Variants in ODR4 observed in about 807,000 individuals in gnomAD.
The protein encoded by ODR4 is protein odr-4 homolog.
In ODR4, 47 loss-of-function variants were observed where a neutral mutation model predicts 60.2. The ratio of observed to expected loss-of-function variants is 0.78; its 90% CI spans 0.62 to 1.00. The LOEUF (loss-of-function observed/expected upper bound fraction) is 1.00. ODR4 is among the 50% of genes least tolerant of loss of function. The pLI, the probability that ODR4 is intolerant of heterozygous loss-of-function variation, is 0.00. For missense variants in ODR4, 488 were observed against 530.8 expected (o/e 0.92, Z 0.79); for synonymous variants, 178 against 175.5 (o/e 1.01, Z -0.11).
chr1:186,385,406 T>A (rs897135509), intron 3 of ODR4, among the ~76,000 whole-genome samples: 1 of 150,910 alleles, frequency 6.6e-6, no homozygotes, highest in Non-Finnish European at 1.5e-5. Flanking sequence ...GATATAAGAC[T>A]ATGTGATAAA....
chr1:186,383,910 G>A (rs900410440), intron 3 of ODR4, among the ~76,000 whole-genome samples: 4 of 152,028 alleles, frequency 2.6e-5, no homozygotes, highest in Non-Finnish European at 5.9e-5. Context: ...GTGGTGGCAG[G>A]TGCCTGTAAT....
At chr1:186,385,251 A>T (rs758690540) in intron 3 of ODR4, among the ~76,000 whole-genome samples, 10 of 150,236 alleles carry the variant, frequency 6.7e-5, no homozygotes, top group Non-Finnish European at 1.5e-4. Flanking sequence ...TAATCTATGC[A>T]ATAGAAAATA....
intron 4 of ODR4, among the ~76,000 whole-genome samples, 153 bp from the exon 5 acceptor site, chr1:186,388,289 T>G (rs555881733): frequency 6.6e-6 from 1 of 152,288 alleles, no homozygotes; most frequent in African/African-American, 2.4e-5. Flanking sequence ...CAAGGCCAGC[T>G]TGAGCAACAT....
At chr1:186,400,153 G>T (rs556369415) in intron 11 of ODR4, among the ~76,000 whole-genome samples, 2 of 150,430 alleles carry the variant, frequency 1.3e-5, no homozygotes, top group South Asian at 4.2e-4. Context: ...CACCATGCCC[G>T]GCTAATTTTT....
chr1:186,401,761 AGT>A (rs1282841223), intron 11 of ODR4, among the ~76,000 whole-genome samples: 4 of 152,058 alleles, frequency 2.6e-5, no homozygotes, highest in Middle Eastern at 3.2e-3. Context: ...TTGGTTTGCT[AGT>A]ATTTTGTTGA....
rs572891518 is a variant in ODR4 at position 186,406,063 on chromosome 1, A to G, written c.1001-20A>G. 6.2e-5 allele frequency: 93 copies of G among 1,502,420 alleles called. 1 individual carries two copies. The highest frequency in any genetic ancestry group is 3.6e-4 in the Middle Eastern group (2 of 5,590). The allele number at this position is 1,502,420 out of a possible 1,614,324, so 93.1% of individuals were successfully genotyped here. A position where few individuals can be genotyped will look rare whatever the true frequency, so the allele number is the denominator to read the frequency against. On this transcript the variant is annotated intron_variant, in intron 11 of 13. Coordinates refer to ENST00000287859, the MANE Select transcript of ODR4 (RefSeq NM_017847.6). ...GTGACAAACCTATCTAAATATTGAT[A>G]ATATTTCTTTTCCTTTTAGATTCTG...
At chr1:186,376,521 G>C (rs1014632605) in intron 1 of ODR4, among the ~76,000 whole-genome samples, 3 of 152,052 alleles carry the variant, frequency 2.0e-5, no homozygotes, top group African/African-American at 7.2e-5. Context: ...TCTGTGAATT[G>C]GTGATTTAGT....
chr1:186,390,913 CT>C, intron 7 of ODR4, 62 bp downstream of exon 7: 1 of 1,441,594 alleles, frequency 6.9e-7, no homozygotes, highest in Non-Finnish European at 9.5e-7. Context: ...TTTTATTCTG[CT>C]TACATGTGTC....
chr1:186,407,484 CTGT>C (rs1253123864), intron 12 of ODR4, among the ~76,000 whole-genome samples: 1 of 152,092 alleles, frequency 6.6e-6, no homozygotes, highest in Non-Finnish European at 1.5e-5. Context: ...TTGAGCCATT[CTGT>C]TGTTGAATAG....
chr1:186,375,856 G>C lies in ODR4; in HGVS notation c.-138G>C, dbSNP rs1659728781. 1 of 203,522 alleles carries C rather than the reference G, an allele frequency of 4.9e-6. No individual in the cohort carries two copies. The highest frequency in any genetic ancestry group is 1.1e-5 in the Non-Finnish European group (1 of 90,968). 12.6% of individuals were successfully genotyped at this position (203,522 alleles called of 1,614,324 possible). A position where few individuals can be genotyped will look rare whatever the true frequency, so the allele number is the denominator to read the frequency against. On this transcript the variant is annotated 5_prime_UTR_variant, in exon 1 of 14. Coordinates refer to ENST00000287859, the MANE Select transcript of ODR4 (RefSeq NM_017847.6). Reference sequence around the variant, plus strand: ...GCTTTCTGATGAATTCAGTGGCAGTGAATTGAGACCGGAGGGAATCTGGCC... The same window carrying C: ...GCTTTCTGATGAATTCAGTGGCAGTCAATTGAGACCGGAGGGAATCTGGCC...
At chr1:186,402,204 T>TTCTTTCTTTCTTTCTTTC (rs1427866836) in intron 11 of ODR4, among the ~76,000 whole-genome samples, 1 of 146,040 alleles carries the variant, frequency 6.8e-6, no homozygotes, top group African/African-American at 2.6e-5. Context: ...CTTTCTTTCT[T>TTCTTTCTTTCTTTCTTTC]TCTTTCTTTC....
At chr1:186,403,019 G>T (rs796669670) in intron 11 of ODR4, among the ~76,000 whole-genome samples, 1 of 152,122 alleles carries the variant, frequency 6.6e-6, no homozygotes, top group East Asian at 1.9e-4. Context: ...TACCATGTTG[G>T]AGATGATGGA....
chr1:186,397,726 G>A (rs1009796566), intron 9 of ODR4, among the ~76,000 whole-genome samples: 9 of 152,214 alleles, frequency 5.9e-5, no homozygotes, highest in African/African-American at 1.4e-4. Context: ...CTTGTTTTTG[G>A]CACTTATTAA....
At chr1:186,390,662 T>C in intron 6 of ODR4, 49 bp from the exon 7 acceptor site, 1 of 1,584,064 alleles carries the variant, frequency 6.3e-7, no homozygotes, top group South Asian at 1.1e-5. Context: ...GATCCATGTA[T>C]TTTATCTAGA....
At chr1:186,384,517 T>G (rs1660169979) in intron 3 of ODR4, among the ~76,000 whole-genome samples, 1 of 151,558 alleles carries the variant, frequency 6.6e-6, no homozygotes, top group South Asian at 2.1e-4. Flanking sequence ...TCCCAATGGT[T>G]TGTAAATAAC....
chr1:186,421,517 CTA>C (rs1041387135), downstream of ODR4: 2 of 151,992 alleles, frequency 1.3e-5, no homozygotes, highest in African/African-American at 2.4e-5. Flanking sequence ...TTAAAATTGA[CTA>C]TGTTATAATA....
At position 186,383,155 on chromosome 1, in the gene ODR4, A is replaced by G; in HGVS notation, c.233A>G (p.Gln78Arg). 1.3e-6 allele frequency: 2 copies of G among 1,541,282 alleles called. No homozygotes were observed. Among genetic ancestry groups the G allele is most frequent in the Non-Finnish European group, 1.7e-6 (2 of 1,144,742 alleles). The change falls in exon 3 of 14, where the codon CAG becomes CGG. Residue 78 changes from glutamine (Q) to arginine (R), a missense_variant and splice_region_variant. Gln to Arg is a conservative substitution (Grantham distance 43). Coordinates refer to ENST00000287859, the MANE Select transcript of ODR4 (RefSeq NM_017847.6). Reference protein sequence around the residue: ...DEEWATEHACQVSRMLPGGLL... With the variant: ...DEEWATEHACRVSRMLPGGLL... ...GAATGGGCCACAGAACATGCCTGCC[A>G]GGTTATCTTATTTTTTTGTTTATAT...
rs1023128641 is a variant in ODR4, at chr1:186,383,239, A to C, written c.234+83A>C. On this transcript the variant is annotated intron_variant, in intron 3 of 13. Coordinates refer to ENST00000287859, the MANE Select transcript of ODR4 (RefSeq NM_017847.6). ...AAGAAGATTTAGTGAATGAGTAGAG[A>C]GAAGAGACATAGGGAGAAAGTAGCT... 3.6e-6 allele frequency: 5 copies of C among 1,405,230 alleles called. No homozygotes were observed. The African/African-American group carries it at 4.4e-5, about 12-fold the overall frequency. 87.0% of individuals were successfully genotyped at this position (1,405,230 alleles called of 1,614,324 possible).
chr1:186,407,019 T>A (rs1465342650), intron 12 of ODR4, among the ~76,000 whole-genome samples: 2 of 152,148 alleles, frequency 1.3e-5, no homozygotes, highest in African/African-American at 4.8e-5. Flanking sequence ...TGCTTGAGAT[T>A]ATAGTGAGTC....
Sources: gnomAD v4.1 joint callset for allele counts (sites outside exome capture counted in the v4.1 genomes callset) on GRCh38, gnomAD v4.1.1 for gene constraint, MANE v1.5 for transcripts, NCBI Gene and HGNC (gene_info 2026-07-23, HGNC 2026-07-21) for gene names.